Variants in ACSM1 observed in about 807,000 individuals in gnomAD.
ACSM1 encodes acyl-coenzyme A synthetase ACSM1, mitochondrial.
In ACSM1, 79 loss-of-function variants were observed where a neutral mutation model predicts 75.8. The observed-to-expected ratio is 1.04, with a 90% confidence interval of 0.87 to 1.26. The LOEUF (loss-of-function observed/expected upper bound fraction) is 1.26. Among genes scored for constraint, ACSM1 ranks in the 50% most tolerant of loss-of-function variants. ACSM1 has a pLI of 0.00. For missense variants in ACSM1, 676 were observed against 720.1 expected, an observed-to-expected ratio of 0.94 and a Z score of 0.70; for synonymous variants, 279 against 265.8, an observed-to-expected ratio of 1.05 and a Z score of -0.48.
intron 13 of ACSM1, among the ~76,000 whole-genome samples, chr16:20,623,802 C>A (rs1384268067): frequency 2.6e-5 from 4 of 152,148 alleles, no homozygotes; most frequent in African/African-American, 2.4e-5. Context: ...AAGCATGTAA[C>A]CTTGAGGCAA....
intron 11 of ACSM1, among the ~76,000 whole-genome samples, 173 bp downstream of exon 11, chr16:20,627,016 G>A (rs111660608): frequency 1.3e-3 from 193 of 151,986 alleles, no homozygotes; most frequent in Middle Eastern, 6.8e-3. Context: ...ATTCTTCTGC[G>A]TGCAGAGAAG....
intron 7 of ACSM1, among the ~76,000 whole-genome samples, chr16:20,656,757 C>T (rs1418920128): frequency 6.6e-6 from 1 of 152,096 alleles, no homozygotes; most frequent in Non-Finnish European, 1.5e-5. Context: ...ACTGCAAATG[C>T]TCTGCTGCCA....
chr16:20,685,699 A>G (rs1442678448), intron 2 of ACSM1, among the ~76,000 whole-genome samples: 1 of 151,900 alleles, frequency 6.6e-6, no homozygotes, highest in Non-Finnish European at 1.5e-5. Flanking sequence ...GCATGCCTGT[A>G]ATCTCAGCTA....
At chr16:20,631,652 T>C (rs1316399514) in intron 10 of ACSM1, among the ~76,000 whole-genome samples, 1 of 152,206 alleles carries the variant, frequency 6.6e-6, no homozygotes, top group Non-Finnish European at 1.5e-5. Flanking sequence ...ACAGAAAATG[T>C]GGTATATATA....
intron 10 of ACSM1, among the ~76,000 whole-genome samples, chr16:20,627,875 T>TATAC (rs1567242240): frequency 0.14 from 1,287 of 8,900 alleles, 120 homozygotes; most frequent in African/African-American, 0.17. Context: ...TATACATATA[T>TATAC]ATATATATAT....
At chr16:20,672,676 T>C (rs1424387316) in intron 4 of ACSM1, among the ~76,000 whole-genome samples, 1 of 127,242 alleles carries the variant, frequency 7.9e-6, no homozygotes, top group African/African-American at 3.1e-5. Context: ...ATAGTATATA[T>C]TGTATATAAT....
At chr16:20,638,132 A>G (rs1421455044) in intron 8 of ACSM1, among the ~76,000 whole-genome samples, 1 of 152,212 alleles carries the variant, frequency 6.6e-6, no homozygotes, top group Non-Finnish European at 1.5e-5. Flanking sequence ...CGTGCTTTAC[A>G]TTCAGACCAA....
In ACSM1 at chr16:20,682,447, A is replaced by T; in HGVS notation, c.420T>A (p.Pro140=). The change falls in exon 4 of 14, where the codon CCT becomes CCA. Residue 140 remains proline, a synonymous_variant. Coordinates refer to ENST00000520010, the MANE Select transcript of ACSM1 (RefSeq NM_001318890.3). ...CTTTGGCCTTCAACAGGATGGTCGC[A>T]GGAATGAAGATGATCCCTGGGGATG... ...GCMRTGIIFI[P]ATILLKAKDI... is the part of the protein sequence containing the mutation. The T allele has an allele frequency of 6.2e-7, 1 of 1,613,522 alleles. No homozygotes were observed. The highest frequency in any genetic ancestry group is 8.5e-7 in the Non-Finnish European group (1 of 1,179,644).
intron 1 of ACSM1, among the ~76,000 whole-genome samples, chr16:20,692,600 C>A (rs2079664534): frequency 6.6e-6 from 1 of 152,024 alleles, no homozygotes; most frequent in Admixed American, 6.6e-5. Flanking sequence ...TTGATTGTCT[C>A]CTGGATCTGG....
intron 2 of ACSM1, among the ~76,000 whole-genome samples, chr16:20,688,382 G>T (rs574848431): frequency 5.4e-4 from 82 of 152,058 alleles, no homozygotes; most frequent in Non-Finnish European, 8.2e-4. Flanking sequence ...GGGCATAGAG[G>T]TTATTGGAAG....
chr16:20,661,536 T>C (rs1000335271), intron 7 of ACSM1, among the ~76,000 whole-genome samples: 5 of 152,196 alleles, frequency 3.3e-5, no homozygotes, highest in Non-Finnish European at 7.3e-5. Context: ...TTCTGTCTTA[T>C]GCATTTTCTG....
intron 2 of ACSM1, among the ~76,000 whole-genome samples, chr16:20,689,216 AGTT>A (rs1219436098): frequency 1.3e-5 from 2 of 151,942 alleles, no homozygotes; most frequent in African/African-American, 4.8e-5. Context: ...ATTAAAATTA[AGTT>A]GTTATCAGTA....
intron 12 of ACSM1, 102 bp downstream of exon 12, chr16:20,625,321 T>C: frequency 1.8e-6 from 2 of 1,129,676 alleles, no homozygotes; most frequent in Non-Finnish European, 2.6e-6. Flanking sequence ...ATGCACACTA[T>C]GCCCTTCCAC....
intron 8 of ACSM1, among the ~76,000 whole-genome samples, chr16:20,638,877 G>C (rs1039235421): frequency 1.3e-5 from 2 of 152,322 alleles, no homozygotes; most frequent in Admixed American, 6.5e-5. Flanking sequence ...AAATATTGGA[G>C]TCGTGGGTGG....
intron 10 of ACSM1, among the ~76,000 whole-genome samples, chr16:20,635,536 G>C (rs2017614012): frequency 6.6e-6 from 1 of 151,948 alleles, no homozygotes; most frequent in African/African-American, 2.4e-5. Context: ...AAGATGCCTG[G>C]ACATTATATA....
At chr16:20,690,932 A>C in intron 2 of ACSM1, 65 bp downstream of exon 2, 1 of 1,504,318 alleles carries the variant, frequency 6.6e-7, no homozygotes, top group Non-Finnish European at 9.0e-7. Context: ...TCAGCCTAGT[A>C]GGAGCAAGAT....
In ACSM1 at chr16:20,628,519, A is replaced by G. The variant is rs377160519; in HGVS notation, c.1300-1203T>C. ...GCTGTTTCAAGAATGTTATATAAAT[A>G]GAATCATACAGCATATAACTGTTTG... is the stretch of plus-strand genomic sequence containing the variant. On this transcript the variant is annotated intron_variant, in intron 10 of 13. Coordinates refer to ENST00000520010, the MANE Select transcript of ACSM1 (RefSeq NM_001318890.3). Among the ~76,000 whole-genome samples, 27 of 152,258 alleles carry G rather than the reference A, an allele frequency of 1.8e-4. No individual in the cohort carries two copies. In the East Asian group the frequency reaches 4.0e-3, roughly 23 times the overall value.
At chr16:20,653,456 G>A (rs2018766299) in intron 7 of ACSM1, among the ~76,000 whole-genome samples, 1 of 152,166 alleles carries the variant, frequency 6.6e-6, no homozygotes, top group Admixed American at 6.5e-5. Context: ...AAAAGAGGAA[G>A]TCAAATTGAC....
At chr16:20,671,469 ACACACACAC>A in intron 5 of ACSM1, 53 bp downstream of exon 5, 3 of 1,490,084 alleles carry the variant, frequency 2.0e-6, no homozygotes, top group African/African-American at 2.8e-5. Context: ...ACACACACAC[ACACACACAC>A]AAACTTTGCC....
Sources: gnomAD v4.1 joint callset for allele counts (sites outside exome capture counted in the v4.1 genomes callset) on GRCh38, gnomAD v4.1.1 for gene constraint, MANE v1.5 for transcripts, NCBI Gene and HGNC (gene_info 2026-07-23, HGNC 2026-07-21) for gene names.